Variants in DPP10 observed in about 807,000 individuals in gnomAD.
DPP10 encodes the protein dipeptidyl peptidase like 10.
In DPP10, 33 loss-of-function variants were observed where a neutral mutation model predicts 120.9. That is an observed-to-expected ratio of 0.27 (90% confidence interval 0.21 to 0.37). The LOEUF (loss-of-function observed/expected upper bound fraction) is 0.37. DPP10 is among the 10% of genes least tolerant of loss of function. The pLI, the probability that DPP10 is intolerant of heterozygous loss-of-function variation, is 1.00. For missense variants in DPP10, 816 were observed against 942.8 expected, an observed-to-expected ratio of 0.87 and a Z score of 1.76; for synonymous variants, 337 against 326.1, an observed-to-expected ratio of 1.03 and a Z score of -0.36.
intron 20 of DPP10, 146 bp from the exon 21 acceptor site, chr2:115,815,529 T>C (rs1413940536): frequency 4.8e-6 from 3 of 622,654 alleles, no homozygotes; most frequent in African/African-American, 1.9e-5. Flanking sequence ...TTTTGGAGTA[T>C]ATGACCCTAA....
intron 1 of DPP10, among the ~76,000 whole-genome samples, chr2:114,678,067 C>A (rs1201890605): frequency 6.6e-6 from 1 of 152,020 alleles, no homozygotes; most frequent in African/African-American, 2.4e-5. Context: ...TTGCTGCAGT[C>A]AGTAATCATT....
chr2:115,348,501 T>G (rs1221312973), intron 3 of DPP10, among the ~76,000 whole-genome samples: 3 of 152,180 alleles, frequency 2.0e-5, no homozygotes, highest in Non-Finnish European at 4.4e-5. Flanking sequence ...TTTTATAATT[T>G]TAACTTTTTA....
intron 1 of DPP10, among the ~76,000 whole-genome samples, chr2:115,034,188 C>T (rs543745890): frequency 1.5e-3 from 234 of 152,182 alleles, no homozygotes; most frequent in African/African-American, 5.2e-3. Flanking sequence ...AGCCACTGCT[C>T]CCGGCCTGGC....
chr2:115,361,007 G>C (rs17823359), intron 3 of DPP10, among the ~76,000 whole-genome samples: 2 of 151,906 alleles, frequency 1.3e-5, no homozygotes, highest in African/African-American at 4.8e-5. Context: ...TCCCAGTACT[G>C]AGCTTGCCCA....
At chr2:115,281,193 TAGG>T (rs1284675535) in intron 1 of DPP10, among the ~76,000 whole-genome samples, 1 of 152,154 alleles carries the variant, frequency 6.6e-6, no homozygotes, top group Admixed American at 6.5e-5. Context: ...AAGCTAGAAA[TAGG>T]TACCTTAATG....
intron 1 of DPP10, among the ~76,000 whole-genome samples, chr2:115,283,884 T>C (rs746052890): frequency 9.2e-5 from 14 of 152,042 alleles, no homozygotes; most frequent in Admixed American, 5.9e-4. Flanking sequence ...TACAGTAACA[T>C]TCACAGATTT....
At chr2:114,506,869 T>C (rs1021031555) in intron 1 of DPP10, among the ~76,000 whole-genome samples, 1 of 152,158 alleles carries the variant, frequency 6.6e-6, no homozygotes, top group Admixed American at 6.5e-5. Context: ...TGTAATTCAC[T>C]CTGACTATAT....
intron 1 of DPP10, among the ~76,000 whole-genome samples, chr2:114,803,735 G>C (rs1464471332): frequency 6.6e-6 from 1 of 152,142 alleles, no homozygotes; most frequent in Non-Finnish European, 1.5e-5. Flanking sequence ...CATTCAAGAG[G>C]TGACTTGGGT....
At chr2:115,737,130 C>A (rs1676629425) in intron 8 of DPP10, among the ~76,000 whole-genome samples, 1 of 152,132 alleles carries the variant, frequency 6.6e-6, no homozygotes, top group South Asian at 2.1e-4. Flanking sequence ...GTACATCCTG[C>A]AGACCTGCCA....
At chr2:115,366,569 G>A (rs1226138092) in intron 3 of DPP10, among the ~76,000 whole-genome samples, 1 of 152,058 alleles carries the variant, frequency 6.6e-6, no homozygotes, top group Non-Finnish European at 1.5e-5. Flanking sequence ...ATCAATATCA[G>A]TTAATTGGCT....
intron 24 of DPP10, among the ~76,000 whole-genome samples, chr2:115,838,891 A>G (rs1689805390): frequency 6.6e-6 from 1 of 152,188 alleles, no homozygotes; most frequent in African/African-American, 2.4e-5. Flanking sequence ...TAACACCACT[A>G]CTATTAATAT....
intron 3 of DPP10, among the ~76,000 whole-genome samples, chr2:115,476,903 A>G (rs888920018): frequency 3.3e-5 from 5 of 151,370 alleles, no homozygotes; most frequent in Admixed American, 6.6e-5. Context: ...ACAGAATGAA[A>G]GATAAAAATT....
At chr2:115,797,456 T>C (rs1054990220) in intron 19 of DPP10, among the ~76,000 whole-genome samples, 3 of 152,172 alleles carry the variant, frequency 2.0e-5, no homozygotes, top group East Asian at 1.9e-4. Flanking sequence ...CTTGCAAAAA[T>C]AGTACATATA....
chr2:115,565,756 T>G (rs1187389261), intron 5 of DPP10, among the ~76,000 whole-genome samples: 4 of 98,390 alleles, frequency 4.1e-5, no homozygotes, highest in African/African-American at 1.3e-4. Context: ...GGGTTTTTTT[T>G]TTTGTTTGTT....
intron 1 of DPP10, among the ~76,000 whole-genome samples, chr2:114,803,717 C>G (rs994226326): frequency 3.3e-5 from 5 of 152,288 alleles, no homozygotes; most frequent in African/African-American, 9.6e-5. Context: ...AATTTCTAAG[C>G]AGCAAACCAT....
chr2:115,352,639 A>T (rs1322240047), intron 3 of DPP10, among the ~76,000 whole-genome samples: 1 of 152,184 alleles, frequency 6.6e-6, no homozygotes, highest in African/African-American at 2.4e-5. Context: ...GAATAAACAC[A>T]GTCCCTTTGA....
At chr2:114,885,477 T>C (rs1410677452) in intron 1 of DPP10, among the ~76,000 whole-genome samples, 2 of 152,216 alleles carry the variant, frequency 1.3e-5, no homozygotes, top group African/African-American at 4.8e-5. Context: ...ATATCACCCT[T>C]CATGCTTATG....
At chr2:114,757,806 T>TTTCC (rs568296435) in intron 1 of DPP10, among the ~76,000 whole-genome samples, 119 of 152,268 alleles carry the variant, frequency 7.8e-4, no homozygotes, top group African/African-American at 2.7e-3. Flanking sequence ...TTTCCACGTG[T>TTTCC]TTCCGATGTG....
In DPP10 at chr2:114,574,094, G is replaced by A. The variant is rs557173670; in HGVS notation, c.60+131256G>A. ...ATATCCTGTTTTATGCAATGATGGGGAAGAAAATGAAAGACTCAGGACATT... is the reference window on the plus strand; with the variant it reads ...ATATCCTGTTTTATGCAATGATGGGAAAGAAAATGAAAGACTCAGGACATT... On this transcript the variant is annotated intron_variant, in intron 1 of 25. Transcript: ENST00000410059. Among the ~76,000 whole-genome samples the A allele has an allele frequency of 6.6e-5, 10 of 152,260 alleles. No homozygotes were observed. In the South Asian group the frequency reaches 1.7e-3, roughly 25 times the overall value.
Sources: gnomAD v4.1 joint callset for allele counts (sites outside exome capture counted in the v4.1 genomes callset) on GRCh38, gnomAD v4.1.1 for gene constraint, MANE v1.5 for transcripts, NCBI Gene and HGNC (gene_info 2026-07-23, HGNC 2026-07-21) for gene names.